The following SLC9A9 variants were observed in gnomAD, a reference collection of about 807,000 sequenced individuals.
SLC9A9 encodes the protein sodium/hydrogen exchanger 9.
In SLC9A9, 62 loss-of-function variants were observed where a neutral mutation model predicts 77.8. That is an observed-to-expected ratio of 0.80 (90% CI 0.65 to 0.98). SLC9A9 has a LOEUF of 0.98. Ranked by LOEUF, SLC9A9 falls within the 50% of genes least tolerant of loss-of-function variation. The pLI, the probability that SLC9A9 is intolerant of heterozygous loss-of-function variation, is 0.00. For missense variants in SLC9A9, 775 were observed against 774.9 expected (o/e 1.00, Z 0.00); for synonymous variants, 320 against 283.5 (o/e 1.13, Z -1.29).
chr3:143,513,746 G>A (rs903604605), intron 9 of SLC9A9, among the ~76,000 whole-genome samples: 2 of 152,198 alleles, frequency 1.3e-5, no homozygotes, highest in Admixed American at 6.5e-5. Context: ...TTGTTAGCAG[G>A]CATGAAAACA....
At chr3:143,846,547 T>C (rs2009833897) in intron 1 of SLC9A9, among the ~76,000 whole-genome samples, 1 of 152,054 alleles carries the variant, frequency 6.6e-6, no homozygotes, top group Non-Finnish European at 1.5e-5. Context: ...AGAGTTTTCT[T>C]GTGCCCGTTA....
chr3:143,394,519 A>G (rs1428782397), intron 12 of SLC9A9, among the ~76,000 whole-genome samples: 2 of 152,212 alleles, frequency 1.3e-5, no homozygotes, highest in Non-Finnish European at 2.9e-5. Context: ...AAAAACTGGA[A>G]GCATTCCCTT....
At chr3:143,676,681 G>A (rs1426635216) in intron 5 of SLC9A9, among the ~76,000 whole-genome samples, 1 of 152,110 alleles carries the variant, frequency 6.6e-6, no homozygotes, top group Admixed American at 6.5e-5. Context: ...AAGTTGCAGT[G>A]AGCCGAGATC....
At chr3:143,279,038 G>A (rs945984643) in intron 14 of SLC9A9, among the ~76,000 whole-genome samples, 7 of 133,852 alleles carry the variant, frequency 5.2e-5, no homozygotes, top group Non-Finnish European at 8.9e-5. Flanking sequence ...TTCTATAAAC[G>A]TTAGCTAACA....
At chr3:143,347,663 C>CTA (rs1217371438) in intron 14 of SLC9A9, among the ~76,000 whole-genome samples, 1 of 152,136 alleles carries the variant, frequency 6.6e-6, no homozygotes, top group Non-Finnish European at 1.5e-5. Flanking sequence ...TTGCCCTTTG[C>CTA]TATAACAAAA....
intron 9 of SLC9A9, among the ~76,000 whole-genome samples, chr3:143,528,362 T>C (rs756295562): frequency 1.3e-5 from 2 of 152,252 alleles, no homozygotes; most frequent in South Asian, 2.1e-4. Flanking sequence ...CTGTACATGA[T>C]AGGCCCTCAA....
chr3:143,692,543 A>G (rs1933502962), intron 5 of SLC9A9, among the ~76,000 whole-genome samples: 1 of 152,190 alleles, frequency 6.6e-6, no homozygotes, highest in East Asian at 1.9e-4. Context: ...GCATATGCCA[A>G]TTCTTTTTAC....
rs369670861 is a variant in SLC9A9, at chr3:143,652,778, TACACACACAC to T, written c.650-428_650-419del. 2.2e-4 allele frequency among the ~76,000 whole-genome samples: 18 copies of T among 82,434 alleles called. 1 individual carries two copies. The highest frequency in any genetic ancestry group is 2.0e-3 in the Admixed American group (16 of 7,952). 54.1% of individuals were successfully genotyped at this position (82,434 alleles called of 152,430 possible). A position where few individuals can be genotyped will look rare whatever the true frequency, so the allele number is the denominator to read the frequency against. On this transcript the variant is annotated intron_variant, in intron 5 of 15. Transcript: ENST00000316549. ...TGCTACCATCCTTGTATTCCTTAAATACACACACACACACACACACACACACACACACACT... is the reference window on the plus strand; with the variant it reads ...TGCTACCATCCTTGTATTCCTTAAATACACACACACACACACACACACACT...
intron 6 of SLC9A9, among the ~76,000 whole-genome samples, chr3:143,592,309 T>C (rs748476298): frequency 6.6e-6 from 1 of 152,166 alleles, no homozygotes; most frequent in Non-Finnish European, 1.5e-5. Flanking sequence ...GGAGGATCAC[T>C]TAAGCCCAGA....
chr3:143,466,737 A>G lies in SLC9A9; in HGVS notation c.1469+300T>C, dbSNP rs141168029. Among the ~76,000 whole-genome samples the G allele has an allele frequency of 2.6e-5, 4 of 152,372 alleles. No individual in the cohort carries two copies. The East Asian group carries it at 7.7e-4, about 29-fold the overall frequency. Reference sequence around the variant, plus strand: ...CCTGTGTCTTATTTTTGTAAACTCCACAGTATACCACATTGTACTGAATAC... The same window carrying G: ...CCTGTGTCTTATTTTTGTAAACTCCGCAGTATACCACATTGTACTGAATAC... On this transcript the variant is annotated intron_variant, in intron 12 of 15. Coordinates refer to ENST00000316549, the MANE Select transcript of SLC9A9 (RefSeq NM_173653.4).
At chr3:143,609,524 G>A (rs981447768) in intron 6 of SLC9A9, among the ~76,000 whole-genome samples, 1 of 152,074 alleles carries the variant, frequency 6.6e-6, no homozygotes, top group Non-Finnish European at 1.5e-5. Context: ...TTCTCAAGGG[G>A]AATTTCTTTT....
At chr3:143,807,730 A>G (rs1039109386) in intron 2 of SLC9A9, among the ~76,000 whole-genome samples, 2 of 152,094 alleles carry the variant, frequency 1.3e-5, no homozygotes, top group Non-Finnish European at 2.9e-5. Flanking sequence ...GGGCAATAGA[A>G]TGAGACTCTG....
At chr3:143,472,253 A>G (rs1368144991) in intron 11 of SLC9A9, among the ~76,000 whole-genome samples, 1 of 152,236 alleles carries the variant, frequency 6.6e-6, no homozygotes, top group Non-Finnish European at 1.5e-5. Flanking sequence ...AACTGTAAGA[A>G]GGTGTATTAG....
rs957471813 is a variant in SLC9A9, at chr3:143,394,413, TA to T, written c.1470-12300del. On this transcript the variant is annotated intron_variant, in intron 12 of 15. Transcript: ENST00000316549. ...GACAAAATTCAACAACTCTTCATGC[TA>T]AAAACTCTCAATAAATTAGGTATTG... Among the ~76,000 whole-genome samples, 6 of 152,286 alleles carry T rather than the reference TA, an allele frequency of 3.9e-5. No homozygotes were observed. In the East Asian group the frequency reaches 5.8e-4, roughly 15 times the overall value.
intron 13 of SLC9A9, among the ~76,000 whole-genome samples, chr3:143,375,891 A>C (rs528201828): frequency 1.6e-4 from 24 of 152,196 alleles, no homozygotes; most frequent in South Asian, 8.3e-4. Flanking sequence ...CACCTTTGCT[A>C]TTTCTCAAAC....
chr3:143,599,850 T>C (rs1232857672), intron 6 of SLC9A9, among the ~76,000 whole-genome samples: 6 of 152,190 alleles, frequency 3.9e-5, no homozygotes, highest in African/African-American at 1.2e-4. Flanking sequence ...AAGATATCAA[T>C]GCCTCTTTCC....
chr3:143,828,308 G>C (rs1229340768), intron 2 of SLC9A9, among the ~76,000 whole-genome samples: 1 of 152,112 alleles, frequency 6.6e-6, no homozygotes, highest in Non-Finnish European at 1.5e-5. Flanking sequence ...GCTCTGCCAA[G>C]ATCTCAGACT....
intron 9 of SLC9A9, among the ~76,000 whole-genome samples, chr3:143,535,413 G>A (rs2036575974): frequency 6.6e-6 from 1 of 152,146 alleles, no homozygotes; most frequent in African/African-American, 2.4e-5. Flanking sequence ...TATCAGAGCA[G>A]TATATTTTAA....
rs1011025012 is a variant in SLC9A9 at position 143,741,820 on chromosome 3, C to T, written c.534-48513G>A. Reference sequence around the variant, plus strand: ...GACTGAGACAGTGAAAGAGATCTAACTTAACTGACTCCATCTTTCTTCTAA... The same window carrying T: ...GACTGAGACAGTGAAAGAGATCTAATTTAACTGACTCCATCTTTCTTCTAA... On this transcript the variant is annotated intron_variant, in intron 4 of 15. Transcript: ENST00000316549. 1.1e-4 allele frequency among the ~76,000 whole-genome samples: 16 copies of T among 152,256 alleles called. 1 individual carries two copies. The highest frequency in any genetic ancestry group is 8.5e-4 in the Admixed American group (13 of 15,296).
Sources: gnomAD v4.1 joint callset for allele counts (sites outside exome capture counted in the v4.1 genomes callset) on GRCh38, gnomAD v4.1.1 for gene constraint, MANE v1.5 for transcripts, NCBI Gene and HGNC (gene_info 2026-07-23, HGNC 2026-07-21) for gene names.